RAPGEF5: variants seen among roughly 807,000 people sequenced by gnomAD.
The protein encoded by RAPGEF5 is Rap guanine nucleotide exchange factor 5.
Under a neutral mutation model 125.2 loss-of-function variants are expected in RAPGEF5, and 65 were observed. The observed-to-expected ratio is 0.52, with a 90% CI of 0.43 to 0.64. The LOEUF (loss-of-function observed/expected upper bound fraction) is 0.64. Among genes scored for constraint, RAPGEF5 ranks in the 30% least tolerant of loss-of-function variants. RAPGEF5 has a pLI of 0.00. For synonymous variants in RAPGEF5, 391 were observed against 385.9 expected, an observed-to-expected ratio of 1.01 and a Z score of -0.16; for missense variants, 958 against 1,048.1, an observed-to-expected ratio of 0.91 and a Z score of 1.19.
chr7:22,187,278 A>T (rs954882914), intron 11 of RAPGEF5, among the ~76,000 whole-genome samples: 4 of 152,194 alleles, frequency 2.6e-5, no homozygotes, highest in Non-Finnish European at 5.9e-5. Context: ...GATCCCTTTG[A>T]ATCAAAGGGT....
rs1310524204 is a variant in RAPGEF5, at chr7:22,119,409, T to C, written c.*2997A>G. 2.0e-5 allele frequency: 3 copies of C among 152,148 alleles called. No individual in the cohort carries two copies. Among genetic ancestry groups the C allele is most frequent in the Non-Finnish European group, 2.9e-5 (2 of 68,030 alleles). 9.4% of individuals were successfully genotyped at this position (152,148 alleles called of 1,614,324 possible). A position where few individuals can be genotyped will look rare whatever the true frequency, so the allele number is the denominator to read the frequency against. ...GAAACTAGAAAAAAGTGAATGCAGG[T>C]CATGTGTATCACTATAATCATTTGG... is the stretch of plus-strand genomic sequence containing the variant. On this transcript the variant is annotated 3_prime_UTR_variant, in exon 26 of 26. Transcript: ENST00000665637. The surrounding 1 kb of genome is among the most constrained non-coding windows in gnomAD (Gnocchi z 4.1).
intron 5 of RAPGEF5, among the ~76,000 whole-genome samples, chr7:22,299,798 A>G (rs1783154152): frequency 6.6e-6 from 1 of 151,848 alleles, no homozygotes; most frequent in African/African-American, 2.4e-5. Flanking sequence ...CCCACCTTAA[A>G]GACTTTCTTC....
intron 9 of RAPGEF5, among the ~76,000 whole-genome samples, chr7:22,208,865 AAGTAG>A (rs1785451309): frequency 6.6e-6 from 1 of 152,224 alleles, no homozygotes; most frequent in African/African-American, 2.4e-5. Flanking sequence ...ATGGAACGTA[AAGTAG>A]AAGTCAGAGC....
chr7:22,264,290 T>G (rs1782230528), intron 7 of RAPGEF5, among the ~76,000 whole-genome samples: 1 of 152,226 alleles, frequency 6.6e-6, no homozygotes, highest in African/African-American at 2.4e-5. Flanking sequence ...TGAAAAACTA[T>G]GAATTTATGT....
At chr7:22,238,378 T>C (rs886350422) in intron 7 of RAPGEF5, among the ~76,000 whole-genome samples, 1 of 152,256 alleles carries the variant, frequency 6.6e-6, no homozygotes, top group Non-Finnish European at 1.5e-5. Context: ...GTGTTTATTT[T>C]CTGACACTCA....
intron 3 of RAPGEF5, among the ~76,000 whole-genome samples, chr7:22,313,838 TAA>T (rs945810695): frequency 1.4e-4 from 21 of 152,222 alleles, no homozygotes; most frequent in African/African-American, 5.1e-4. Flanking sequence ...ATTTATTTTT[TAA>T]AGTGAGTTTC....
At chr7:22,238,751 T>C (rs1410946169) in intron 7 of RAPGEF5, among the ~76,000 whole-genome samples, 2 of 152,196 alleles carry the variant, frequency 1.3e-5, no homozygotes, top group Non-Finnish European at 2.9e-5. Flanking sequence ...AGTGATGTTG[T>C]AAGGCAGGTG....
intron 9 of RAPGEF5, among the ~76,000 whole-genome samples, chr7:22,195,111 T>G (rs1785116626): frequency 6.6e-6 from 1 of 152,208 alleles, no homozygotes; most frequent in African/African-American, 2.4e-5. Context: ...TTAGGGCTCC[T>G]AGCACGTTTC....
At chr7:22,343,020 C>T (rs933661165) in intron 1 of RAPGEF5, among the ~76,000 whole-genome samples, 15 of 152,114 alleles carry the variant, frequency 9.9e-5, no homozygotes, top group Middle Eastern at 3.2e-3. Flanking sequence ...TGTATTAGTC[C>T]GTTTTCATGC....
chr7:22,341,432 T>A (rs926973292), intron 1 of RAPGEF5, among the ~76,000 whole-genome samples: 1 of 152,174 alleles, frequency 6.6e-6, no homozygotes, highest in Non-Finnish European at 1.5e-5. Flanking sequence ...CCAAATCTCA[T>A]GTCCTCACAT....
intron 23 of RAPGEF5, among the ~76,000 whole-genome samples, chr7:22,131,744 G>A (rs972006862): frequency 6.6e-6 from 1 of 152,156 alleles, no homozygotes; most frequent in African/African-American, 2.4e-5. Context: ...CATTTTCAGA[G>A]GAAGATAAAG....
chr7:22,316,778 G>C (rs1445786651), intron 2 of RAPGEF5, among the ~76,000 whole-genome samples: 1 of 151,624 alleles, frequency 6.6e-6, no homozygotes, highest in Non-Finnish European at 1.5e-5. Context: ...AATTACAGGT[G>C]TGAGCAACTG....
chr7:22,260,790 A>C (rs1276065383), intron 7 of RAPGEF5, among the ~76,000 whole-genome samples: 3 of 152,210 alleles, frequency 2.0e-5, no homozygotes, highest in Non-Finnish European at 4.4e-5. Context: ...AAGAAAAGTA[A>C]GAAGAGACTT....
chr7:22,150,335 A>C, intron 18 of RAPGEF5, 72 bp downstream of exon 18: 1 of 1,474,656 alleles, frequency 6.8e-7, no homozygotes, highest in South Asian at 1.3e-5. Flanking sequence ...GGCCTCCCAA[A>C]GTGCTCAGAT....
At chr7:22,162,245 A>T (rs895980494) in intron 13 of RAPGEF5, among the ~76,000 whole-genome samples, 152 bp downstream of exon 13, 1 of 152,236 alleles carries the variant, frequency 6.6e-6, no homozygotes, top group Non-Finnish European at 1.5e-5. Context: ...AAGCTTCAGA[A>T]GTCAAAATAA....
intron 8 of RAPGEF5, among the ~76,000 whole-genome samples, chr7:22,226,704 G>C (rs947890230): frequency 6.6e-6 from 1 of 152,158 alleles, no homozygotes; most frequent in African/African-American, 2.4e-5. Flanking sequence ...CCATGCTGGG[G>C]CATCAGGGAG....
chr7:22,251,272 G>A (rs916816865), intron 7 of RAPGEF5, among the ~76,000 whole-genome samples: 1 of 152,118 alleles, frequency 6.6e-6, no homozygotes, highest in African/African-American at 2.4e-5. Context: ...CATAGACAAT[G>A]CCACCCCCCC....
intron 9 of RAPGEF5, among the ~76,000 whole-genome samples, chr7:22,196,432 C>T (rs914847341): frequency 4.6e-5 from 7 of 152,096 alleles, no homozygotes; most frequent in Admixed American, 2.0e-4. Flanking sequence ...TCATGAAATG[C>T]AGGTAAAGTA....
At chr7:22,319,385 C>G (rs1783668218) in intron 1 of RAPGEF5, among the ~76,000 whole-genome samples, 2 of 152,210 alleles carry the variant, frequency 1.3e-5, no homozygotes, top group Non-Finnish European at 2.9e-5. Context: ...TCCCATTCTG[C>G]CCCTTCCCCA....
Sources: gnomAD v4.1 joint callset for allele counts (sites outside exome capture counted in the v4.1 genomes callset) on GRCh38, gnomAD v4.1.1 for gene constraint, Gnocchi (gnomAD v3.1) non-coding constraint, MANE v1.5 for transcripts, NCBI Gene and HGNC (gene_info 2026-07-23, HGNC 2026-07-21) for gene names.